Variants in VANGL2 observed in about 807,000 individuals in gnomAD.
The protein encoded by VANGL2 is vang-like protein 2.
VANGL2 carries 14 observed loss-of-function variants against 50.2 expected under a neutral mutation model. That is an observed-to-expected ratio of 0.28 (90% confidence interval 0.18 to 0.44). VANGL2 has a LOEUF of 0.44. Among genes scored for constraint, VANGL2 ranks in the 20% least tolerant of loss-of-function variants. The pLI is 1.00. For missense variants in VANGL2, 533 were observed against 701.5 expected, an observed-to-expected ratio of 0.76 and a Z score of 2.71; for synonymous variants, 295 against 297.2, an observed-to-expected ratio of 0.99 and a Z score of 0.08.
chr1:160,427,471 A>G lies in VANGL2; in HGVS notation c.*2093A>G, dbSNP rs1298648312. ...TCCTAAAAAAAATTTTTTGCCTCCA[A>G]CTCTCTAAGCACTAAGGGCTGTGCC... On this transcript the variant is annotated 3_prime_UTR_variant, in exon 8 of 8. Transcript: ENST00000368061. 2 of 150,646 alleles carry G rather than the reference A, an allele frequency of 1.3e-5. No individual in the cohort carries two copies. The highest frequency in any genetic ancestry group is 6.6e-5 in the Admixed American group (1 of 15,098). The allele number at this position is 150,646 out of a possible 1,614,324, so 9.3% of individuals were successfully genotyped here.
intron 1 of VANGL2, among the ~76,000 whole-genome samples, chr1:160,409,196 A>G (rs1006087710): frequency 1.3e-5 from 2 of 152,222 alleles, no homozygotes. Flanking sequence ...GAGCAGTCTC[A>G]TGGAGAAACC....
chr1:160,425,393 G>A lies in VANGL2; in HGVS notation c.*15G>A. On this transcript the variant is annotated 3_prime_UTR_variant, in exon 8 of 8. Coordinates refer to ENST00000368061, the MANE Select transcript of VANGL2 (RefSeq NM_020335.3). ...CCTCAGTGTGACTGTGCAACAGCAG[G>A]GGGAGTGGGAAACTCTGGGGGGTCC... is the stretch of plus-strand genomic sequence containing the variant. 6.3e-7 allele frequency: 1 copy of A among 1,580,546 alleles called. No individual in the cohort carries two copies.
chr1:160,418,201 G>A (rs1024921767), intron 3 of VANGL2, among the ~76,000 whole-genome samples: 2 of 152,172 alleles, frequency 1.3e-5, no homozygotes, highest in Non-Finnish European at 2.9e-5. Context: ...GATTACAGGC[G>A]TGAGCCACCG....
At chr1:160,423,779 A>G (rs1381689681) in intron 6 of VANGL2, among the ~76,000 whole-genome samples, 1 of 152,228 alleles carries the variant, frequency 6.6e-6, no homozygotes, top group African/African-American at 2.4e-5. Flanking sequence ...GTTTGGTGGA[A>G]TGCTTTGTCT....
In VANGL2 at chr1:160,405,419, C is replaced by T. The variant is rs372155202; in HGVS notation, c.-191+4550C>T. ...TGTGGTGGGCCAGGGAGAATGTTTG[C>T]ATTCCTTGTCTCTACCCTGCTTGGT... is the stretch of plus-strand genomic sequence containing the variant. On this transcript the variant is annotated intron_variant, in intron 1 of 7. Transcript: ENST00000368061. Among the ~76,000 whole-genome samples, 30 of 152,310 alleles carry T rather than the reference C, an allele frequency of 2.0e-4. No individual in the cohort carries two copies. The East Asian group carries it at 5.6e-3, about 28-fold the overall frequency.
rs1253332611 is a variant in VANGL2 at position 160,426,573 on chromosome 1, T to C, written c.*1195T>C. On this transcript the variant is annotated 3_prime_UTR_variant, in exon 8 of 8. Coordinates refer to ENST00000368061, the MANE Select transcript of VANGL2 (RefSeq NM_020335.3). ...TTGAGGGGCAAGGATTACTGCCTTTTGTAGGTACTTCACCCCTCACCCCAT... is the reference window on the plus strand; with the variant it reads ...TTGAGGGGCAAGGATTACTGCCTTTCGTAGGTACTTCACCCCTCACCCCAT... 1 of 152,608 alleles carries C rather than the reference T, an allele frequency of 6.6e-6. No individual in the cohort carries two copies. Among genetic ancestry groups the C allele is most frequent in the Non-Finnish European group, 1.5e-5 (1 of 68,030 alleles). 9.5% of individuals were successfully genotyped at this position (152,608 alleles called of 1,614,324 possible). A position where few individuals can be genotyped will look rare whatever the true frequency, so the allele number is the denominator to read the frequency against.
At chr1:160,408,484 G>A (rs1314024844) in intron 1 of VANGL2, among the ~76,000 whole-genome samples, 1 of 152,098 alleles carries the variant, frequency 6.6e-6, no homozygotes. Flanking sequence ...CTTCCCCTGC[G>A]GTGCACCCTG....
At chr1:160,416,257 T>C in intron 3 of VANGL2, 75 bp downstream of exon 3, 1 of 1,608,916 alleles carries the variant, frequency 6.2e-7, no homozygotes, top group Non-Finnish European at 8.5e-7. Context: ...CTCCACGGAG[T>C]GGGGGAGGGC....
intron 1 of VANGL2, among the ~76,000 whole-genome samples, chr1:160,413,935 A>G (rs1441381441): frequency 6.6e-6 from 1 of 152,090 alleles, no homozygotes. Flanking sequence ...ATCTTCCCTC[A>G]CAAGGCTGCT....
chr1:160,423,988 G>T, intron 6 of VANGL2, 64 bp from the exon 7 acceptor site: 3 of 1,578,224 alleles, frequency 1.9e-6, no homozygotes, highest in South Asian at 1.1e-5. Context: ...TTGGAGCTAG[G>T]GGAGAGGGGT....
At chr1:160,411,019 C>T (rs891286334) in intron 1 of VANGL2, among the ~76,000 whole-genome samples, 60 of 151,696 alleles carry the variant, frequency 4.0e-4, no homozygotes, top group Non-Finnish European at 7.4e-4. Context: ...CCCCCACATT[C>T]CCCCCTGCCA....
At position 160,428,074 on chromosome 1, in the gene VANGL2, C is replaced by T. The variant is rs148555103; in HGVS notation, c.*2696C>T. 1 of 152,736 alleles carries T rather than the reference C, an allele frequency of 6.5e-6. No homozygotes were observed. Among genetic ancestry groups the T allele is most frequent in the Non-Finnish European group, 1.5e-5 (1 of 68,086 alleles). The allele number at this position is 152,736 out of a possible 1,614,324, so 9.5% of individuals were successfully genotyped here. A position where few individuals can be genotyped will look rare whatever the true frequency, so the allele number is the denominator to read the frequency against. ...CCTCTTGTCTCTCATTTTTTCTTCC[C>T]ATTCCCCTCCCATTTCAGCCCTTAA... On this transcript the variant is annotated 3_prime_UTR_variant, in exon 8 of 8. Coordinates refer to ENST00000368061, the MANE Select transcript of VANGL2 (RefSeq NM_020335.3).
chr1:160,404,078 G>A (rs974932508), intron 1 of VANGL2, among the ~76,000 whole-genome samples: 2 of 152,194 alleles, frequency 1.3e-5, no homozygotes, highest in African/African-American at 4.8e-5. Context: ...TGGATGGTTC[G>A]GATTCTGAGG....
At position 160,415,736 on chromosome 1, in the gene VANGL2, C is replaced by G; in HGVS notation, c.-102C>G. The G allele has an allele frequency of 7.2e-7, 1 of 1,383,532 alleles. No individual in the cohort carries two copies. 85.7% of individuals were successfully genotyped at this position (1,383,532 alleles called of 1,614,324 possible). A position where few individuals can be genotyped will look rare whatever the true frequency, so the allele number is the denominator to read the frequency against. On this transcript the variant is annotated 5_prime_UTR_variant, in exon 2 of 8. Transcript: ENST00000368061. Reference sequence around the variant, plus strand: ...GACAGTTGACTTCCTGAAGGTGCCTCTTGGCCTAAAGAAGCCGGTGCTGAA... The same window carrying G: ...GACAGTTGACTTCCTGAAGGTGCCTGTTGGCCTAAAGAAGCCGGTGCTGAA...
rs150380396 is a variant in VANGL2, at chr1:160,415,836, C to T, written c.-2C>T. ...CGCTACAAGGCGCGGCGTTCAGACG[C>T]CATGGACACCGAGTCCCAGTACTCG... On this transcript the variant is annotated 5_prime_UTR_variant, in exon 2 of 8. Transcript: ENST00000368061. The T allele has an allele frequency of 3.7e-6, 6 of 1,612,986 alleles. No individual in the cohort carries two copies. The African/African-American group carries it at 8.0e-5, about 22-fold the overall frequency.
chr1:160,421,313 G>C (rs1478698322), intron 6 of VANGL2, 126 bp downstream of exon 6: 1 of 1,269,328 alleles, frequency 7.9e-7, no homozygotes, highest in East Asian at 2.5e-5. Context: ...GTGTGTGCTT[G>C]TTTTCCGTTG....
In VANGL2 at chr1:160,416,134, T is replaced by C. The variant is rs1261719081; in HGVS notation, c.144T>C (p.Ala48=). The C allele has an allele frequency of 1.9e-6, 3 of 1,614,096 alleles. No homozygotes were observed. Among genetic ancestry groups the C allele is most frequent in the Admixed American group, 3.3e-5 (2 of 60,020 alleles). The change falls in exon 3 of 8, where the codon GCT becomes GCC. Residue 48 remains alanine, a synonymous_variant. Coordinates refer to ENST00000368061, the MANE Select transcript of VANGL2 (RefSeq NM_020335.3). ...GGGACAAGTCGGTGACAATCCAGGC[T>C]CCCGGGGAGCCCCTGCTGGACAATG... The part of the protein sequence containing the change: ...GRGDKSVTIQ[A]PGEPLLDNES...
At chr1:160,413,893 A>G (rs575119305) in intron 1 of VANGL2, among the ~76,000 whole-genome samples, 1 of 152,234 alleles carries the variant, frequency 6.6e-6, no homozygotes, top group East Asian at 1.9e-4. Flanking sequence ...TCTCATGGCC[A>G]CTAACTTAGC....
Position 160,419,286 on chromosome 1 carries a change from G to T in VANGL2, c.477G>T (p.Leu159=). 1 of 1,607,978 alleles carries T rather than the reference G, an allele frequency of 6.2e-7. No individual in the cohort carries two copies. The change falls in exon 4 of 8, where the codon CTG becomes CTT. Residue 159 remains leucine, a synonymous_variant. Coordinates refer to ENST00000368061, the MANE Select transcript of VANGL2 (RefSeq NM_020335.3). The surrounding 1 kb of genome is among the most constrained non-coding windows in gnomAD (Gnocchi z 5.8). Reference sequence around the variant, plus strand: ...CTGTCGCCTTCAAGCTGCTCATCCTGCTACTGGGCAGCTGGGCTCTGTTCT... The same window carrying T: ...CTGTCGCCTTCAAGCTGCTCATCCTTCTACTGGGCAGCTGGGCTCTGTTCT... The part of the protein sequence containing the change: ...FISVAFKLLI[L]LLGSWALFFR...
Sources: gnomAD v4.1 joint callset for allele counts (sites outside exome capture counted in the v4.1 genomes callset) on GRCh38, gnomAD v4.1.1 for gene constraint, Gnocchi (gnomAD v3.1) non-coding constraint, MANE v1.5 for transcripts, NCBI Gene and HGNC (gene_info 2026-07-23, HGNC 2026-07-21) for gene names.